The following RBM19 variants were observed in gnomAD, a reference collection of about 807,000 sequenced individuals.
The protein encoded by RBM19 is RNA binding motif protein 19, also known as probable RNA-binding protein 19.
A neutral mutation model predicts 116.8 loss-of-function variants in RBM19; 94 were observed. The ratio of observed to expected loss-of-function variants is 0.80; its 90% CI spans 0.68 to 0.95. The LOEUF is 0.95. Ranked by LOEUF, RBM19 falls within the 40% of genes least tolerant of loss-of-function variation. The pLI, the probability that RBM19 is intolerant of heterozygous loss-of-function variation, is 0.00. For synonymous variants in RBM19, 475 were observed against 494.1 expected, an observed-to-expected ratio of 0.96 and a Z score of 0.51; for missense variants, 1,161 against 1,220.7, an observed-to-expected ratio of 0.95 and a Z score of 0.73.
At chr12:113,916,761 T>A (rs28452271) in intron 20 of RBM19, among the ~76,000 whole-genome samples, 10,795 of 152,262 alleles carry the variant, frequency 0.071, 1,274 homozygotes, top group African/African-American at 0.25. Context: ...ATCATCTTAA[T>A]GACAGATCTA....
At chr12:113,856,423 A>G (rs1396347922) in intron 22 of RBM19, among the ~76,000 whole-genome samples, 1 of 152,218 alleles carries the variant, frequency 6.6e-6, no homozygotes, top group African/African-American at 2.4e-5. Context: ...TGACATGTCA[A>G]AGGGCTCATG....
intron 21 of RBM19, among the ~76,000 whole-genome samples, chr12:113,864,360 T>G (rs1213407993): frequency 1.3e-5 from 2 of 152,192 alleles, no homozygotes; most frequent in Non-Finnish European, 2.9e-5. Context: ...CCCTCCCCTC[T>G]TCCTCAGATG....
chr12:113,900,733 G>C (rs1881634308), intron 21 of RBM19, among the ~76,000 whole-genome samples: 1 of 152,176 alleles, frequency 6.6e-6, no homozygotes, highest in African/African-American at 2.4e-5. Flanking sequence ...GCTAACCCGA[G>C]TATGTCCTCT....
intron 23 of RBM19, among the ~76,000 whole-genome samples, chr12:113,842,715 A>T (rs968202666): frequency 1.1e-4 from 16 of 152,202 alleles, no homozygotes; most frequent in African/African-American, 3.6e-4. Flanking sequence ...AGAGTAGAGG[A>T]TGGAGAAATT....
At chr12:113,955,673 G>GA (rs1871873825) in intron 6 of RBM19, among the ~76,000 whole-genome samples, 1 of 152,282 alleles carries the variant, frequency 6.6e-6, no homozygotes, top group South Asian at 2.1e-4. Context: ...AGACACCTCT[G>GA]AAAAAACCTA....
chr12:113,949,317 G>A (rs1421888067), intron 9 of RBM19, among the ~76,000 whole-genome samples: 1 of 152,168 alleles, frequency 6.6e-6, no homozygotes, highest in African/African-American at 2.4e-5. Context: ...TAAACTCCGG[G>A]CTGTATTCTC....
intron 8 of RBM19, among the ~76,000 whole-genome samples, chr12:113,951,735 G>T (rs781557398): frequency 1.3e-5 from 2 of 152,212 alleles, no homozygotes; most frequent in African/African-American, 2.4e-5. Context: ...TAAGAGGAGA[G>T]TTGGGGAAGA....
intron 20 of RBM19, among the ~76,000 whole-genome samples, chr12:113,916,112 A>C (rs1882753907): frequency 6.6e-6 from 1 of 152,212 alleles, no homozygotes; most frequent in Non-Finnish European, 1.5e-5. Flanking sequence ...AATCTAAATT[A>C]AAATGAAGCA....
At chr12:113,886,738 G>GA (rs2135798901) in intron 21 of RBM19, among the ~76,000 whole-genome samples, 1 of 152,222 alleles carries the variant, frequency 6.6e-6, no homozygotes, top group South Asian at 2.1e-4. Flanking sequence ...CTTGCATGAG[G>GA]AAAAAACACT....
At chr12:113,951,836 G>C in intron 8 of RBM19, among the ~76,000 whole-genome samples, 1 of 152,172 alleles carries the variant, frequency 6.6e-6, no homozygotes, top group East Asian at 1.9e-4. Flanking sequence ...GCTCTACCCA[G>C]GCCAGTGTCT....
At chr12:113,860,081 C>T (rs1878241649) in intron 21 of RBM19, among the ~76,000 whole-genome samples, 1 of 152,204 alleles carries the variant, frequency 6.6e-6, no homozygotes, top group Admixed American at 6.5e-5. Context: ...CGGAGCTCTC[C>T]CCAGCAGCTC....
intron 21 of RBM19, among the ~76,000 whole-genome samples, chr12:113,906,815 A>C (rs1882076332): frequency 6.6e-6 from 1 of 151,874 alleles, no homozygotes; most frequent in Non-Finnish European, 1.5e-5. Flanking sequence ...CTGTAATGTG[A>C]CCTTACTTAG....
In RBM19 at chr12:113,884,401, T is replaced by A. The variant is rs116127827; in HGVS notation, c.2559-25505A>T. ...TTGCCCCTGTCCCCACCTCTATTCC[T>A]GCAGGACATCTGGCAATGTCTGGAG... On this transcript the variant is annotated intron_variant, in intron 21 of 23. Coordinates refer to ENST00000261741, the MANE Select transcript of RBM19 (RefSeq NM_016196.4). 8.3e-3 allele frequency among the ~76,000 whole-genome samples: 1,269 copies of A among 152,108 alleles called. 13 individuals are homozygous for A. The highest frequency in any genetic ancestry group is 0.029 in the African/African-American group (1,212 of 41,468).
chr12:113,922,028 C>T (rs1868622181), intron 18 of RBM19, among the ~76,000 whole-genome samples: 1 of 152,138 alleles, frequency 6.6e-6, no homozygotes, highest in South Asian at 2.1e-4. Context: ...TGGATCCTTC[C>T]ACATGTCCCC....
intron 22 of RBM19, among the ~76,000 whole-genome samples, chr12:113,855,763 G>A (rs1184732356): frequency 1.3e-5 from 2 of 152,104 alleles, no homozygotes; most frequent in African/African-American, 4.8e-5. Context: ...TGGCAGTATT[G>A]CTCTCCCTCT....
chr12:113,913,341 C>T (rs1026617858), intron 21 of RBM19, among the ~76,000 whole-genome samples: 2 of 152,036 alleles, frequency 1.3e-5, no homozygotes, highest in African/African-American at 2.4e-5. Context: ...CCTGGAGGGA[C>T]GACTGATCAG....
chr12:113,827,039 C>T (rs553176829), intron 23 of RBM19, among the ~76,000 whole-genome samples: 13 of 152,308 alleles, frequency 8.5e-5, no homozygotes, highest in South Asian at 4.1e-4. Context: ...CACCGAATGA[C>T]ACCCCGCACC....
At chr12:113,942,568 G>T in intron 13 of RBM19, 134 bp from the exon 14 acceptor site, 1 of 603,050 alleles carries the variant, frequency 1.7e-6, no homozygotes, top group Non-Finnish European at 2.8e-6. Flanking sequence ...TTCCTACATT[G>T]ATCAGATGCC....
chr12:113,898,449 TC>T lies in RBM19; in HGVS notation c.2558+16519del, dbSNP rs1400107933. 6.6e-6 allele frequency among the ~76,000 whole-genome samples: 1 copy of T among 152,192 alleles called. No individual in the cohort carries two copies. Among genetic ancestry groups the T allele is most frequent in the Non-Finnish European group, 1.5e-5 (1 of 68,024 alleles). On this transcript the variant is annotated intron_variant, in intron 21 of 23. Coordinates refer to ENST00000261741, the MANE Select transcript of RBM19 (RefSeq NM_016196.4). The surrounding 1 kb of genome is among the most constrained non-coding windows in gnomAD (Gnocchi z 4.3). The stretch of plus-strand genomic sequence containing the variant: ...CACCTAACCAACTGGCAACAAGAGA[TC>T]AATTCACTGGGATGAACAATGAAAC...
Sources: allele counts gnomAD v4.1 joint callset (sites outside exome capture counted in the v4.1 genomes callset), GRCh38; gene constraint gnomAD v4.1.1; non-coding constraint Gnocchi (gnomAD v3.1); transcripts MANE v1.5; gene names NCBI Gene and HGNC (gene_info 2026-07-23, HGNC 2026-07-21).